Variants in ALPK2 observed in about 807,000 individuals in gnomAD.
ALPK2 encodes the protein alpha-protein kinase 2.
A neutral mutation model predicts 163.1 loss-of-function variants in ALPK2; 127 were observed. The observed-to-expected ratio is 0.78, with a 90% CI of 0.67 to 0.90. The LOEUF is 0.90. Ranked by LOEUF, ALPK2 falls within the 40% of genes least tolerant of loss-of-function variation. The probability of loss-of-function intolerance (pLI) is 0.00; values close to 1 mark genes in which losing one functional copy is unlikely to be tolerated. For synonymous variants in ALPK2, 953 were observed against 959.1 expected, an observed-to-expected ratio of 0.99 and a Z score of 0.12; for missense variants, 2,360 against 2,589.6, an observed-to-expected ratio of 0.91 and a Z score of 1.92.
In ALPK2 at chr18:58,516,939, A is replaced by C. The variant is rs2051524701; in HGVS notation, c.5909T>G (p.Leu1970Arg). 5 of 1,613,922 alleles carry C rather than the reference A, an allele frequency of 3.1e-6. No homozygotes were observed. Among genetic ancestry groups the C allele is most frequent in the Non-Finnish European group, 4.2e-6 (5 of 1,179,942 alleles). Residue 1970 changes from leucine to arginine, a missense_variant, in exon 9 of 13, where the codon CTC (leucine) becomes CGC (arginine). Coordinates refer to ENST00000361673, the MANE Select transcript of ALPK2 (RefSeq NM_052947.4). ...IAYGTRNNDE[L>R]IQRNYKLAAQ... Reference sequence around the variant, plus strand: ...AGCGAGTTTGTAGTTCCTTTGGATGAGCTCATCATTATTTCTGGTCCCATA... The same window carrying C: ...AGCGAGTTTGTAGTTCCTTTGGATGCGCTCATCATTATTTCTGGTCCCATA...
chr18:58,603,317 A>C (rs1332153869), intron 3 of ALPK2, among the ~76,000 whole-genome samples: 1 of 152,180 alleles, frequency 6.6e-6, no homozygotes, highest in East Asian at 1.9e-4. Context: ...GCAGACATGG[A>C]TTTGGGGGAC....
At chr18:58,619,530 G>C (rs2052187175) in intron 1 of ALPK2, among the ~76,000 whole-genome samples, 1 of 152,170 alleles carries the variant, frequency 6.6e-6, no homozygotes, top group Non-Finnish European at 1.5e-5. Context: ...CGAGAATACT[G>C]TTGTCTCCAA....
intron 3 of ALPK2, among the ~76,000 whole-genome samples, chr18:58,589,234 T>C (rs1012748844): frequency 1.3e-5 from 2 of 152,220 alleles, no homozygotes; most frequent in Non-Finnish European, 2.9e-5. Flanking sequence ...TGGTTTTTCT[T>C]ATTTGCAAAG....
intron 10 of ALPK2, among the ~76,000 whole-genome samples, chr18:58,512,898 GTA>G (rs1266701565): frequency 1.6e-5 from 2 of 128,886 alleles, no homozygotes; most frequent in African/African-American, 2.9e-5. Flanking sequence ...TGTGTAATGC[GTA>G]TGTGTGTGGT....
chr18:58,602,115 C>T (rs912705490), intron 3 of ALPK2, among the ~76,000 whole-genome samples: 5 of 152,114 alleles, frequency 3.3e-5, no homozygotes, highest in Admixed American at 6.6e-5. Context: ...AATAATCAAT[C>T]GTGAATTTGG....
At chr18:58,543,780 G>A (rs2051703625) in intron 4 of ALPK2, among the ~76,000 whole-genome samples, 1 of 152,204 alleles carries the variant, frequency 6.6e-6, no homozygotes, top group South Asian at 2.1e-4. Context: ...AATGATGTTT[G>A]GGGATGAGAA....
intron 1 of ALPK2, among the ~76,000 whole-genome samples, chr18:58,612,313 G>A (rs907959263): frequency 6.6e-6 from 1 of 152,150 alleles, no homozygotes; most frequent in Non-Finnish European, 1.5e-5. Context: ...GTGTGCATAT[G>A]TCTTTGCCTC....
At chr18:58,621,876 T>C (rs2052202516) in intron 1 of ALPK2, among the ~76,000 whole-genome samples, 1 of 152,318 alleles carries the variant, frequency 6.6e-6, no homozygotes, top group East Asian at 1.9e-4. Flanking sequence ...GCACAATTTG[T>C]CACACAGACG....
At chr18:58,524,210 G>T in intron 6 of ALPK2, 148 bp from the exon 7 acceptor site, 2 of 1,123,324 alleles carry the variant, frequency 1.8e-6, no homozygotes, top group Non-Finnish European at 2.5e-6. Flanking sequence ...ACGATCAGCT[G>T]TTTAAATAAT....
At chr18:58,538,410 G>A (rs9962337) in intron 4 of ALPK2, 186 bp from the exon 5 acceptor site, 285,089 of 571,272 alleles carry the variant, frequency 0.5, 73,364 homozygotes, top group Non-Finnish European at 0.54. Flanking sequence ...GCAAATTTAA[G>A]CAACTCTGTG....
At chr18:58,534,333 T>C (rs192506990) in intron 5 of ALPK2, among the ~76,000 whole-genome samples, 1 of 152,320 alleles carries the variant, frequency 6.6e-6, no homozygotes, top group Admixed American at 6.5e-5. Flanking sequence ...AGGAAGTTAT[T>C]TTTAATGAAA....
chr18:58,552,222 C>T (rs999588336), intron 4 of ALPK2, among the ~76,000 whole-genome samples: 3 of 152,186 alleles, frequency 2.0e-5, no homozygotes, highest in Non-Finnish European at 4.4e-5. Flanking sequence ...TACCTCCCAC[C>T]CCAACCCCAG....
intron 1 of ALPK2, among the ~76,000 whole-genome samples, chr18:58,613,211 TCTC>T (rs964699539): frequency 7.9e-5 from 12 of 151,976 alleles, no homozygotes; most frequent in Non-Finnish European, 1.3e-4. Flanking sequence ...ACCTAAAAAA[TCTC>T]CTGATGAGCA....
Position 58,523,974 on chromosome 18 carries a change from A to T in ALPK2, c.5590T>A (p.Tyr1864Asn), listed in dbSNP as rs757453380. 6.2e-7 allele frequency: 1 copy of T among 1,614,178 alleles called. No homozygotes were observed. The highest frequency in any genetic ancestry group is 2.2e-5 in the East Asian group (1 of 44,876). ...TTAAATTCAGCAGTCACTTTTCCGT[A>T]GCTGTTCTTGATGCAGCAGTAATAG... is the stretch of plus-strand genomic sequence containing the variant. The part of the protein sequence containing the change: ...GLYYCCIKNS[Y>N]GKVTAEFNLT... Residue 1864 changes from tyrosine to asparagine, a missense_variant, in exon 7 of 13, where the codon TAC becomes AAC. Physicochemically the swap from Tyr to Asn is moderately radical, Grantham distance 143 (BLOSUM62 -2). Coordinates refer to ENST00000361673, the MANE Select transcript of ALPK2 (RefSeq NM_052947.4).
intron 5 of ALPK2, among the ~76,000 whole-genome samples, chr18:58,530,298 A>G (rs566122058): frequency 1.3e-5 from 2 of 152,320 alleles, no homozygotes; most frequent in Admixed American, 6.5e-5. Context: ...TGGGTAGCAA[A>G]TCTTTCAACC....
chr18:58,523,811 G>T lies in ALPK2; in HGVS notation c.5660C>A (p.Thr1887Asn), dbSNP rs1452597904. Residue 1887 changes from threonine (T) to asparagine (N), a missense_variant, in exon 8 of 13, where the codon ACT becomes AAT. Transcript: ENST00000361673. ...GTCAACCCTAACTGACTTACCTTTA[G>T]TATCCTGGCGACTTGACAGCTGTTT... ...VLKQLSSRQD[T>N]KGCEEIEFSQ... 6.2e-7 allele frequency: 1 copy of T among 1,614,106 alleles called. No homozygotes were observed. The highest frequency in any genetic ancestry group is 1.7e-5 in the Admixed American group (1 of 60,018).
chr18:58,545,551 AGATT>A (rs2051713255), intron 4 of ALPK2, among the ~76,000 whole-genome samples: 1 of 152,186 alleles, frequency 6.6e-6, no homozygotes, highest in Non-Finnish European at 1.5e-5. Context: ...AAATATGAGA[AGATT>A]GATTGTCAAA....
chr18:58,564,045 G>A (rs1460787347), intron 4 of ALPK2, among the ~76,000 whole-genome samples: 2 of 151,870 alleles, frequency 1.3e-5, no homozygotes, highest in African/African-American at 2.4e-5. Flanking sequence ...AGAAAGGAAG[G>A]AAAGGAGGAA....
intron 1 of ALPK2, among the ~76,000 whole-genome samples, chr18:58,617,477 G>A (rs1181304434): frequency 6.6e-6 from 1 of 152,134 alleles, no homozygotes; most frequent in African/African-American, 2.4e-5. Context: ...GTGAACTACT[G>A]TGCCCAGCCA....
Sources: allele counts gnomAD v4.1 joint callset (sites outside exome capture counted in the v4.1 genomes callset), GRCh38; gene constraint gnomAD v4.1.1; transcripts MANE v1.5; gene names NCBI Gene and HGNC (gene_info 2026-07-23, HGNC 2026-07-21).